SETD4: variants seen among roughly 807,000 people sequenced by gnomAD.
The protein encoded by SETD4 is SET domain containing 4, also known as SET domain-containing protein 4.
In SETD4, 46 loss-of-function variants were observed where a neutral mutation model predicts 58.3. The ratio of observed to expected loss-of-function variants is 0.79; its 90% CI spans 0.62 to 1.01. SETD4 has a LOEUF of 1.01. Ranked by LOEUF, SETD4 falls within the 50% of genes least tolerant of loss-of-function variation. The pLI, the probability that SETD4 is intolerant of heterozygous loss-of-function variation, is 0.00. For missense variants in SETD4, 490 were observed against 523.3 expected (o/e 0.94, Z 0.62); for synonymous variants, 190 against 202.6 (o/e 0.94, Z 0.53).
chr21:36,051,005 T>C, intron 4 of SETD4: 2 of 1,583,834 alleles, frequency 1.3e-6, no homozygotes, highest in Admixed American at 3.3e-5. Context: ...TGTGTGGCGT[T>C]GACCTGTTGA....
chr21:36,053,759 G>T, intron 3 of SETD4, 139 bp from the exon 4 acceptor site: 1 of 803,768 alleles, frequency 1.2e-6, no homozygotes, highest in Non-Finnish European at 2.0e-6. Flanking sequence ...TTGATTCCCA[G>T]GGGAAACAGG....
chr21:36,046,381 G>A (rs113592211), intron 5 of SETD4, among the ~76,000 whole-genome samples: 178 of 152,312 alleles, frequency 1.2e-3, no homozygotes, highest in African/African-American at 4.0e-3. Context: ...TATAAAATAT[G>A]GTGGGGAAAA....
Position 36,040,350 on chromosome 21 carries a change from T to C in SETD4, c.1064+225A>G, listed in dbSNP as rs1362521072. On this transcript the variant is annotated intron_variant, in intron 9 of 11. Coordinates refer to ENST00000332131, the MANE Select transcript of SETD4 (RefSeq NM_017438.5). ...GTAGAAACAAAAAGATTATCAAAAC[T>C]ATGTATGCTGAGTCTAAAACCAGAA... Among the ~76,000 whole-genome samples, 4 of 152,218 alleles carry C rather than the reference T, an allele frequency of 2.6e-5. No individual in the cohort carries two copies. In the East Asian group the frequency reaches 7.7e-4, roughly 29 times the overall value.
chr21:36,036,607 A>C (rs1298786550), intron 10 of SETD4: 9 of 970,606 alleles, frequency 9.3e-6, no homozygotes, highest in Non-Finnish European at 1.1e-5. Context: ...TTCAAGCTTC[A>C]TTAAAATCAC....
In SETD4 at chr21:36,036,254, G is replaced by A. The variant is rs571217784; in HGVS notation, c.1189-3C>T. On this transcript the variant is annotated splice_region_variant and splice_polypyrimidine_tract_variant and intron_variant, in intron 10 of 11. Coordinates refer to ENST00000332131, the MANE Select transcript of SETD4 (RefSeq NM_017438.5). Reference sequence around the variant, plus strand: ...TTTTCATCCTTCATATGAGACACCTGAAAGTTATTTTTTAATTATTGTTAT... The same window carrying A: ...TTTTCATCCTTCATATGAGACACCTAAAAGTTATTTTTTAATTATTGTTAT... 75 of 1,580,694 alleles carry A rather than the reference G, an allele frequency of 4.7e-5. 1 individual carries two copies. The South Asian group carries it at 8.1e-4, about 17-fold the overall frequency.
intron 4 of SETD4, chr21:36,051,328 T>C: frequency 6.3e-7 from 1 of 1,583,878 alleles, no homozygotes; most frequent in Non-Finnish European, 8.6e-7. Flanking sequence ...GGGTGACTGT[T>C]CAACATGAAC....
Position 36,037,113 on chromosome 21 carries a change from G to A in SETD4, c.1189-862C>T, listed in dbSNP as rs556580853. ...AAGTTCAAGAGATCTATGGTACATC[G>A]TGGTGACTACAGTTAATAACAATAT... On this transcript the variant is annotated intron_variant, in intron 10 of 11. Transcript: ENST00000332131. Among the ~76,000 whole-genome samples the A allele has an allele frequency of 1.1e-4, 17 of 151,594 alleles. No individual in the cohort carries two copies. The South Asian group carries it at 3.6e-3, about 32-fold the overall frequency.
intron 2 of SETD4, among the ~76,000 whole-genome samples, chr21:36,057,803 G>A (rs549516994): frequency 3.3e-5 from 5 of 152,288 alleles, no homozygotes; most frequent in East Asian, 1.9e-4. Context: ...AGGTCCACAC[G>A]TAAATTTTTG....
intron 4 of SETD4, among the ~76,000 whole-genome samples, chr21:36,048,706 C>T (rs988588018): frequency 2.1e-5 from 3 of 145,068 alleles, no homozygotes; most frequent in Non-Finnish European, 4.5e-5. Flanking sequence ...TCAAATTATA[C>T]TGTTTCTTCA....
At chr21:36,042,077 G>T in intron 7 of SETD4, 189 bp from the exon 8 acceptor site, 1 of 393,430 alleles carries the variant, frequency 2.5e-6, no homozygotes, top group Non-Finnish European at 4.5e-6. Context: ...GTCCCTGAAA[G>T]GCTGTAAGAA....
intron 6 of SETD4, 37 bp from the exon 7 acceptor site, chr21:36,043,993 A>C: frequency 1.9e-6 from 3 of 1,602,752 alleles, no homozygotes; most frequent in Non-Finnish European, 2.6e-6. Flanking sequence ...TTTTAAAGTA[A>C]GGTGTAAAAC....
chr21:36,042,504 C>T (rs1045999901), intron 7 of SETD4: 2 of 152,110 alleles, frequency 1.3e-5, no homozygotes, highest in Admixed American at 6.5e-5. Context: ...AAGCCAATCT[C>T]GAAGCTGGTT....
At position 36,034,686 on chromosome 21, in the gene SETD4, T is replaced by C. The variant is rs2063726800; in HGVS notation, c.*1307A>G. ...TCAGGAAACTATGGCCCACCACCTG[T>C]CGTTGTCAGTAGTTTCCCTGGAGCC... is the stretch of plus-strand genomic sequence containing the variant. On this transcript the variant is annotated 3_prime_UTR_variant, in exon 12 of 12. Transcript: ENST00000332131. The C allele has an allele frequency of 6.6e-6, 1 of 152,160 alleles. No individual in the cohort carries two copies. Among genetic ancestry groups the C allele is most frequent in the Admixed American group, 6.5e-5 (1 of 15,282 alleles). The allele number at this position is 152,160 out of a possible 1,614,324, so 9.4% of individuals were successfully genotyped here. A position where few individuals can be genotyped will look rare whatever the true frequency, so the allele number is the denominator to read the frequency against.
chr21:36,039,708 A>G (rs1160293931), intron 9 of SETD4, among the ~76,000 whole-genome samples: 1 of 152,268 alleles, frequency 6.6e-6, no homozygotes, highest in African/African-American at 2.4e-5. Context: ...AATTCATAGT[A>G]TCTGTAAGAT....
intron 5 of SETD4, among the ~76,000 whole-genome samples, chr21:36,048,093 G>C (rs1193305270): frequency 7.1e-6 from 1 of 141,280 alleles, no homozygotes; most frequent in Non-Finnish European, 1.6e-5. Context: ...AGGAGGGAGG[G>C]AGGGAGGGAG....
At chr21:36,044,306 G>A (rs371416524) in intron 6 of SETD4, among the ~76,000 whole-genome samples, 4 of 152,220 alleles carry the variant, frequency 2.6e-5, no homozygotes, top group African/African-American at 7.2e-5. Context: ...GAGTAAATAC[G>A]TTCAGCTTTG....
At chr21:36,051,262 G>A in intron 4 of SETD4, 2 of 1,600,322 alleles carry the variant, frequency 1.2e-6, no homozygotes, top group African/African-American at 2.7e-5. Flanking sequence ...GCAAGTTCCA[G>A]CTCTGTTGAC....
chr21:36,048,528 G>C (rs2064467836), intron 4 of SETD4, 132 bp from the exon 5 acceptor site: 2 of 766,486 alleles, frequency 2.6e-6, no homozygotes, highest in Admixed American at 3.9e-5. Flanking sequence ...AGCCACCAAT[G>C]AGCCTACCAA....
In SETD4 at chr21:36,039,599, C is replaced by T. The variant is rs7280985; in HGVS notation, c.1064+976G>A. On this transcript the variant is annotated intron_variant, in intron 9 of 11. Coordinates refer to ENST00000332131, the MANE Select transcript of SETD4 (RefSeq NM_017438.5). ...AAGACACTGCAGGAATGGGCCAGTG[C>T]GAAACCGCATGTCCCAACACTAGGT... is the stretch of plus-strand genomic sequence containing the variant. 6.9e-3 allele frequency among the ~76,000 whole-genome samples: 1,053 copies of T among 152,308 alleles called. 5 individuals carry two copies. Among genetic ancestry groups the T allele is most frequent in the African/African-American group, 0.023 (971 of 41,566 alleles).
Sources: gnomAD v4.1 joint callset for allele counts (sites outside exome capture counted in the v4.1 genomes callset) on GRCh38, gnomAD v4.1.1 for gene constraint, MANE v1.5 for transcripts, NCBI Gene and HGNC (gene_info 2026-07-23, HGNC 2026-07-21) for gene names.